The following BMPR2 variants were observed in gnomAD, a reference collection of about 807,000 sequenced individuals.
BMPR2 encodes bone morphogenetic protein receptor type-2.
BMPR2 carries 29 observed loss-of-function variants against 100.8 expected under a neutral mutation model. The observed-to-expected ratio is 0.29, with a 90% CI of 0.21 to 0.39. The LOEUF is 0.39. BMPR2 is among the 10% of genes least tolerant of loss of function. The pLI, the probability that BMPR2 is intolerant of heterozygous loss-of-function variation, is 1.00. For synonymous variants in BMPR2, 382 were observed against 442.3 expected (o/e 0.86, Z 1.71); for missense variants, 1,011 against 1,274.5 (o/e 0.79, Z 3.15).
chr2:202,519,615 TTTGA>T lies in BMPR2; in HGVS notation c.853-467_853-464del, dbSNP rs368559223. Among the ~76,000 whole-genome samples the T allele has an allele frequency of 7.9e-3, 1,210 of 152,360 alleles. 9 individuals are homozygous for T. The highest frequency in any genetic ancestry group is 0.026 in the African/African-American group (1,076 of 41,578). ...AGTTTTTTGATGAAAGAAGCAGTAC[TTTGA>T]TTGACATTCATTCTGATGCAACATT... On this transcript the variant is annotated intron_variant, in intron 6 of 12. Coordinates refer to ENST00000374580, the MANE Select transcript of BMPR2 (RefSeq NM_001204.7).
intron 1 of BMPR2, among the ~76,000 whole-genome samples, chr2:202,381,536 C>T (rs1460402769): frequency 6.6e-6 from 1 of 152,150 alleles, no homozygotes. Context: ...AGTCATATGG[C>T]TAGGCTAAGC....
Position 202,534,715 on chromosome 2 carries a change from C to T in BMPR2, c.1276+1983C>T, listed in dbSNP as rs916671973. 8.9e-4 allele frequency among the ~76,000 whole-genome samples: 136 copies of T among 152,216 alleles called. 1 individual carries two copies. Among genetic ancestry groups the T allele is most frequent in the African/African-American group, 3.1e-3 (128 of 41,510 alleles). On this transcript the variant is annotated intron_variant, in intron 9 of 12. Transcript: ENST00000374580. ...TTCTCAATCTTTTCCCCACCTTTCC[C>T]GCCTTTCTATTCCACAAAGCCGCCA...
At chr2:202,501,207 G>A (rs549998400) in intron 3 of BMPR2, among the ~76,000 whole-genome samples, 1 of 152,304 alleles carries the variant, frequency 6.6e-6, no homozygotes, top group East Asian at 1.9e-4. Context: ...AGGGCCCTCA[G>A]CAAGGAACGA....
At chr2:202,488,983 G>GCCT (rs1559053760) in intron 3 of BMPR2, among the ~76,000 whole-genome samples, 1 of 150,946 alleles carries the variant, frequency 6.6e-6, no homozygotes, top group African/African-American at 2.4e-5. Context: ...GAATCATAAG[G>GCCT]TATCTGTCTT....
intron 1 of BMPR2, among the ~76,000 whole-genome samples, chr2:202,398,147 T>G (rs1279302746): frequency 6.6e-6 from 1 of 152,084 alleles, no homozygotes; most frequent in Non-Finnish European, 1.5e-5. Flanking sequence ...CTGTACTTAC[T>G]TTTCTTTATA....
chr2:202,537,989 G>A (rs1208001366), intron 9 of BMPR2, among the ~76,000 whole-genome samples: 1 of 152,098 alleles, frequency 6.6e-6, no homozygotes, highest in African/African-American at 2.4e-5. Flanking sequence ...AGGTGCAGTG[G>A]CACACGCCTG....
At chr2:202,485,351 C>T (rs1692751058) in intron 3 of BMPR2, among the ~76,000 whole-genome samples, 1 of 151,678 alleles carries the variant, frequency 6.6e-6, no homozygotes, top group South Asian at 2.1e-4. Context: ...AGTCTAAAGC[C>T]AAGGTATTGG....
intron 1 of BMPR2, among the ~76,000 whole-genome samples, chr2:202,460,423 C>A (rs559360236): frequency 6.6e-6 from 1 of 151,906 alleles, no homozygotes; most frequent in Admixed American, 6.6e-5. Context: ...ATTAGAATAT[C>A]CATGCTATGG....
intron 12 of BMPR2, among the ~76,000 whole-genome samples, chr2:202,559,306 A>ACC (rs1559075432): frequency 5.3e-5 from 8 of 151,022 alleles, no homozygotes; most frequent in East Asian, 1.9e-4. Flanking sequence ...CATCCCCCAA[A>ACC]AAAAAAAAAA....
At chr2:202,539,449 A>C (rs1326571482) in intron 9 of BMPR2, among the ~76,000 whole-genome samples, 1 of 152,110 alleles carries the variant, frequency 6.6e-6, no homozygotes, top group Non-Finnish European at 1.5e-5. Context: ...ATGAGGTGGA[A>C]GTAGAAAAGA....
chr2:202,391,001 TTTTTTTG>T, intron 1 of BMPR2, among the ~76,000 whole-genome samples: 1 of 143,050 alleles, frequency 7.0e-6, no homozygotes, highest in African/African-American at 2.6e-5. Flanking sequence ...TTTTTTTTTT[TTTTTTTG>T]GGAGATGGAG....
chr2:202,385,662 C>CAAA (rs34934213), intron 1 of BMPR2, among the ~76,000 whole-genome samples: 2 of 82,146 alleles, frequency 2.4e-5, no homozygotes, highest in African/African-American at 5.6e-5. Context: ...CCACGCCTGG[C>CAAA]AAAAAAAAAA....
At chr2:202,385,133 A>AGG (rs1478530764) in intron 1 of BMPR2, among the ~76,000 whole-genome samples, 4 of 152,126 alleles carry the variant, frequency 2.6e-5, no homozygotes, top group Admixed American at 1.3e-4. Context: ...AGATGAGGAA[A>AGG]TAGTTAAGAC....
rs529932115 is a variant in BMPR2 at position 202,565,537 on chromosome 2, A to G, written c.*5591A>G. Reference sequence around the variant, plus strand: ...CTATTGTGGAATTTTATGATTTTATATTCTCATTAGTTATAACTAAAAAGC... The same window carrying G: ...CTATTGTGGAATTTTATGATTTTATGTTCTCATTAGTTATAACTAAAAAGC... On this transcript the variant is annotated 3_prime_UTR_variant, in exon 13 of 13. Transcript: ENST00000374580. 2.0e-5 allele frequency: 3 copies of G among 152,676 alleles called. No individual in the cohort carries two copies. Among genetic ancestry groups the G allele is most frequent in the South Asian group, 2.1e-4 (1 of 4,830 alleles). 9.5% of individuals were successfully genotyped at this position (152,676 alleles called of 1,614,324 possible).
In BMPR2 at chr2:202,492,296, C is replaced by A. The variant is rs75375227; in HGVS notation, c.419-21423C>A. 4.5e-3 allele frequency among the ~76,000 whole-genome samples: 692 copies of A among 152,106 alleles called. 3 individuals are homozygous for A. The highest frequency in any genetic ancestry group is 7.1e-3 in the Non-Finnish European group (486 of 68,002). ...AAGTGTTTGCTTCATCATGATTCAC[C>A]AAGCTCTGCATTTTGTATTATAAAC... On this transcript the variant is annotated intron_variant, in intron 3 of 12. Coordinates refer to ENST00000374580, the MANE Select transcript of BMPR2 (RefSeq NM_001204.7).
At chr2:202,457,577 G>A (rs1042783949) in intron 1 of BMPR2, among the ~76,000 whole-genome samples, 18 of 148,876 alleles carry the variant, frequency 1.2e-4, no homozygotes, top group Non-Finnish European at 2.1e-4. Context: ...GAGAGAGAGA[G>A]AGAGAGAGAG....
chr2:202,531,058 T>A, intron 8 of BMPR2, 104 bp downstream of exon 8: 4 of 1,399,468 alleles, frequency 2.9e-6, no homozygotes, highest in Non-Finnish European at 4.0e-6. Context: ...ATCCCAGCAC[T>A]TTGGTAGGCC....
intron 1 of BMPR2, among the ~76,000 whole-genome samples, chr2:202,437,558 A>T (rs1007465188): frequency 6.6e-6 from 1 of 150,414 alleles, no homozygotes; most frequent in Non-Finnish European, 1.5e-5. Flanking sequence ...ACCACTGTCA[A>T]TTTTAGAACA....
At chr2:202,434,896 A>T (rs1326043429) in intron 1 of BMPR2, among the ~76,000 whole-genome samples, 4 of 65,544 alleles carry the variant, frequency 6.1e-5, no homozygotes, top group Admixed American at 2.3e-4. Context: ...AAAAAAAAAA[A>T]AAAAAAAAAA....
Sources: gnomAD v4.1 joint callset for allele counts (sites outside exome capture counted in the v4.1 genomes callset) on GRCh38, gnomAD v4.1.1 for gene constraint, MANE v1.5 for transcripts, NCBI Gene and HGNC (gene_info 2026-07-23, HGNC 2026-07-21) for gene names.